WDR4: variants seen among roughly 807,000 people sequenced by gnomAD.
The protein encoded by WDR4 is WDR4 tRNA N7-guanosine methyltransferase non-catalytic subunit, also known as tRNA (guanine-N(7)-)-methyltransferase non-catalytic subunit WDR4.
In WDR4, 47 loss-of-function variants were observed where a neutral mutation model predicts 48.6. The ratio of observed to expected loss-of-function variants is 0.97; its 90% CI spans 0.77 to 1.23. The LOEUF (loss-of-function observed/expected upper bound fraction) is 1.23, where lower values mean the gene tolerates loss of function less well. Among genes scored for constraint, WDR4 ranks in the 50% most tolerant of loss-of-function variants. The probability of loss-of-function intolerance (pLI) is 0.00; values close to 1 mark genes in which losing one functional copy is unlikely to be tolerated. For synonymous variants in WDR4, 268 were observed against 230.0 expected (o/e 1.17, Z -1.49); for missense variants, 606 against 551.6 (o/e 1.10, Z -0.99).
At chr21:42,868,005 T>G (rs200322371) in intron 3 of WDR4, among the ~76,000 whole-genome samples, 1 of 152,184 alleles carries the variant, frequency 6.6e-6, no homozygotes. Context: ...CCGCCCAGCC[T>G]GCAGCGGTAT....
intron 6 of WDR4, 52 bp downstream of exon 6, chr21:42,859,609 CT>C: frequency 2.7e-6 from 2 of 739,430 alleles, no homozygotes; most frequent in Non-Finnish European, 2.0e-6. Context: ...CCACCCCACC[CT>C]CCCTGCAGGC....
At chr21:42,850,996 G>A (rs529060492) in intron 10 of WDR4, among the ~76,000 whole-genome samples, 1 of 152,228 alleles carries the variant, frequency 6.6e-6, no homozygotes, top group South Asian at 2.1e-4. Context: ...CCCCTCCAGC[G>A]ACTCTGCTGC....
At chr21:42,868,611 C>G (rs1034242863) in intron 3 of WDR4, among the ~76,000 whole-genome samples, 1 of 152,254 alleles carries the variant, frequency 6.6e-6, no homozygotes, top group African/African-American at 2.4e-5. Flanking sequence ...AAGAATTAAC[C>G]TTGCCTTTGG....
chr21:42,879,475 C>A lies in WDR4; in HGVS notation c.21G>T (p.Leu7=). 6.2e-7 allele frequency: 1 copy of A among 1,613,696 alleles called. No homozygotes were observed. Among genetic ancestry groups the A allele is most frequent in the Non-Finnish European group, 8.5e-7 (1 of 1,179,912 alleles). Residue 7 remains leucine, a synonymous_variant, in exon 1 of 11, where the codon CTG becomes CTT. Coordinates refer to ENST00000398208, the MANE Select transcript of WDR4 (RefSeq NM_018669.6). MAGSVG[L]ALCGQTLVVR... ...CCACCAACGTCTGCCCGCACAACGC[C>A]AGTCCCACAGAGCCCGCCATGTACC...
At chr21:42,874,659 A>T (rs1057181776) in intron 2 of WDR4, among the ~76,000 whole-genome samples, 2 of 151,980 alleles carry the variant, frequency 1.3e-5, no homozygotes, top group African/African-American at 4.8e-5. Flanking sequence ...TCGAGACTGT[A>T]GGGATGAAAT....
At chr21:42,879,612 C>G (rs2058588148), upstream of WDR4, 1 of 1,308,448 alleles carries the variant, frequency 7.6e-7, no homozygotes, top group East Asian at 2.5e-5. Flanking sequence ...ACGTACCGCG[C>G]ATGCTCAAGG....
At chr21:42,868,616 C>T (rs1300295601) in intron 3 of WDR4, among the ~76,000 whole-genome samples, 1 of 152,238 alleles carries the variant, frequency 6.6e-6, no homozygotes, top group Non-Finnish European at 1.5e-5. Context: ...TTAACCTTGC[C>T]TTTGGCCTCA....
chr21:42,862,392 A>C lies in WDR4; in HGVS notation c.456T>G (p.Ala152=). The change falls in exon 5 of 11, where the codon GCT becomes GCG. Residue 152 remains alanine (A), a splice_region_variant and synonymous_variant. Transcript: ENST00000398208. This position sits in a 1 kb window ranked among gnomAD's most constrained non-coding sequence, Gnocchi z 4.3. The part of the protein sequence containing the change: ...LGHLSMLLDV[A]VSPDDRFILT... ...GGATGAAGCGGTCATCAGGACTCAC[A>C]GCCTGCATCACCAGGGGCCAGAAAA... 3 of 1,602,428 alleles carry C rather than the reference A, an allele frequency of 1.9e-6. No individual in the cohort carries two copies. The highest frequency in any genetic ancestry group is 2.6e-6 in the Non-Finnish European group (3 of 1,174,326).
chr21:42,878,052 A>AG (rs2058542109), intron 1 of WDR4, among the ~76,000 whole-genome samples: 1 of 151,648 alleles, frequency 6.6e-6, no homozygotes, highest in Admixed American at 6.6e-5. Flanking sequence ...AAAAAAAAAA[A>AG]AAAAGAAAAA....
intron 5 of WDR4, among the ~76,000 whole-genome samples, chr21:42,861,349 G>A (rs1353899484): frequency 1.3e-5 from 2 of 149,894 alleles, no homozygotes; most frequent in African/African-American, 4.9e-5. Flanking sequence ...GGTGGGGAGG[G>A]GGGAAGGAAG....
At chr21:42,877,102 GCGCCTGGCCC>G (rs2058509464) in intron 1 of WDR4, among the ~76,000 whole-genome samples, 1 of 132,824 alleles carries the variant, frequency 7.5e-6, no homozygotes, top group Non-Finnish European at 1.8e-5. Context: ...GTGAGCCACT[GCGCCTGGCCC>G]ATGTGAGCCA....
At chr21:42,885,172 T>C in the WDR4 span, among the ~76,000 whole-genome samples, 3 of 152,204 alleles carry the variant, frequency 2.0e-5, no homozygotes, top group African/African-American at 7.2e-5. Context: ...ACAGACCTAA[T>C]CACCCTAGCA....
At chr21:42,852,156 A>ACACCAGGTACCCCGGGCAGGT (rs1284243981) in intron 10 of WDR4, 99 bp downstream of exon 10, 4 of 1,282,706 alleles carry the variant, frequency 3.1e-6, no homozygotes. Flanking sequence ...CTTTATCTGC[A>ACACCAGGTACCCCGGGCAGGT]CACCAGGTAC....
chr21:42,878,927 T>A (rs1041573492), intron 1 of WDR4: 1 of 985,048 alleles, frequency 1.0e-6, no homozygotes, highest in African/African-American at 1.7e-5. Context: ...CAGACAACCC[T>A]GCAAAAAGAG....
At chr21:42,877,494 ATTT>A (rs929169133) in intron 1 of WDR4, among the ~76,000 whole-genome samples, 1 of 150,080 alleles carries the variant, frequency 6.7e-6, no homozygotes, top group Non-Finnish European at 1.5e-5. Flanking sequence ...AAAAAAGTTG[ATTT>A]TTTTTCTCTG....
the WDR4 span, among the ~76,000 whole-genome samples, chr21:42,887,503 T>G: frequency 6.6e-6 from 1 of 152,098 alleles, no homozygotes; most frequent in Non-Finnish European, 1.5e-5. Context: ...AGGAAATGTC[T>G]CGTGTCACAC....
Position 42,870,592 on chromosome 21 carries a change from AG to A in WDR4, c.296+2958del, listed in dbSNP as rs2058349654. Among the ~76,000 whole-genome samples the A allele has an allele frequency of 2.0e-5, 3 of 152,120 alleles. No individual in the cohort carries two copies. The South Asian group carries it at 6.2e-4, about 32-fold the overall frequency. ...CACCTTGAGGTCAGAGTTCGAAACCAGCCTGGCCAACATGGTGAAACCCCTT... is the reference window on the plus strand; with the variant it reads ...CACCTTGAGGTCAGAGTTCGAAACCACCTGGCCAACATGGTGAAACCCCTT... On this transcript the variant is annotated intron_variant, in intron 3 of 10. Transcript: ENST00000398208.
intron 3 of WDR4, among the ~76,000 whole-genome samples, chr21:42,866,551 G>A (rs575079030): frequency 2.0e-5 from 3 of 152,280 alleles, no homozygotes; most frequent in South Asian, 2.1e-4. Flanking sequence ...AGATCTAAGA[G>A]GCATAAAAAG....
At position 42,862,219 on chromosome 21, in the gene WDR4, G is replaced by A. The variant is rs1237687311; in HGVS notation, c.566+63C>T. On this transcript the variant is annotated intron_variant, in intron 5 of 10. Transcript: ENST00000398208. This position sits in a 1 kb window ranked among gnomAD's most constrained non-coding sequence, Gnocchi z 4.3. ...CAGCTACAACGGCACCTGCTGAGCC[G>A]CAAGCTGACGCTGTTTTCAAACAGA... 23 of 1,451,656 alleles carry A rather than the reference G, an allele frequency of 1.6e-5. No homozygotes were observed. Among genetic ancestry groups the A allele is most frequent in the African/African-American group, 5.6e-5 (4 of 71,260 alleles). The allele number at this position is 1,451,656 out of a possible 1,614,324, so 89.9% of individuals were successfully genotyped here. A position where few individuals can be genotyped will look rare whatever the true frequency, so the allele number is the denominator to read the frequency against.
Sources: allele counts gnomAD v4.1 joint callset (sites outside exome capture counted in the v4.1 genomes callset), GRCh38; gene constraint gnomAD v4.1.1; non-coding constraint Gnocchi (gnomAD v3.1); transcripts MANE v1.5; gene names NCBI Gene and HGNC (gene_info 2026-07-23, HGNC 2026-07-21).